The following PARP2 variants were observed in gnomAD, a reference collection of about 807,000 sequenced individuals.
PARP2 encodes poly(ADP-ribose) polymerase 2.
PARP2 carries 57 observed loss-of-function variants against 77.8 expected under a neutral mutation model. The ratio of observed to expected loss-of-function variants is 0.73; its 90% CI spans 0.59 to 0.91. The LOEUF is 0.91. PARP2 is among the 40% of genes least tolerant of loss of function. The pLI, the probability that PARP2 is intolerant of heterozygous loss-of-function variation, is 0.00. For missense variants in PARP2, 651 were observed against 689.0 expected (o/e 0.94, Z 0.62); for synonymous variants, 226 against 242.6 (o/e 0.93, Z 0.64).
At chr14:20,351,189 A>AT in intron 6 of PARP2, 67 bp downstream of exon 6, 232 of 1,293,060 alleles carry the variant, frequency 1.8e-4, no homozygotes, top group Non-Finnish European at 2.2e-4. Context: ...TCTCTAAAAA[A>AT]TTTTTTTTTA....
At chr14:20,347,356 G>GTGTGTGTA (rs1168423656) in intron 4 of PARP2, among the ~76,000 whole-genome samples, 55 of 29,566 alleles carry the variant, frequency 1.9e-3, no homozygotes, top group Admixed American at 3.3e-3. Flanking sequence ...ATGTGTGTGT[G>GTGTGTGTA]TATATATATA....
chr14:20,345,969 CACTA>C (rs1425821636), intron 3 of PARP2, among the ~76,000 whole-genome samples: 1 of 152,108 alleles, frequency 6.6e-6, no homozygotes, highest in Non-Finnish European at 1.5e-5. Flanking sequence ...TGAATTCACT[CACTA>C]TCAAGAGGAC....
chr14:20,356,770 AT>A (rs1884170260), intron 13 of PARP2, 81 bp downstream of exon 13: 6 of 1,098,126 alleles, frequency 5.5e-6, no homozygotes, highest in Non-Finnish European at 8.4e-6. Context: ...CTAGATTAGG[AT>A]TAGATGGTTC....
rs928257028 is a variant in PARP2, at chr14:20,350,449, C to T, written c.325-77C>T. The T allele has an allele frequency of 1.5e-4, 109 of 703,526 alleles. 1 individual carries two copies. Among genetic ancestry groups the T allele is most frequent in the Admixed American group, 1.7e-4 (8 of 46,952 alleles). The allele number at this position is 703,526 out of a possible 1,614,324, so 43.6% of individuals were successfully genotyped here. ...TTATGGAAATAACTGGCACCTGTGA[C>T]GAAGGATGAGTCATTGGTTTATGTG... is the stretch of plus-strand genomic sequence containing the variant. On this transcript the variant is annotated intron_variant, in intron 4 of 15. Coordinates refer to ENST00000429687, the MANE Select transcript of PARP2 (RefSeq NM_001042618.2).
At chr14:20,352,427 G>A (rs1883991206) in intron 7 of PARP2, 80 bp downstream of exon 7, 3 of 849,072 alleles carry the variant, frequency 3.5e-6, no homozygotes, top group South Asian at 1.7e-5. Context: ...GTGCTCTGTT[G>A]CCCAGGCTGG....
In PARP2 at chr14:20,355,000, G is replaced by A. The variant is rs545370370; in HGVS notation, c.902+53G>A. The A allele has an allele frequency of 4.5e-5, 66 of 1,461,556 alleles. No individual in the cohort carries two copies. In the South Asian group the frequency reaches 6.7e-4, roughly 15 times the overall value. 90.5% of individuals were successfully genotyped at this position (1,461,556 alleles called of 1,614,324 possible). A position where few individuals can be genotyped will look rare whatever the true frequency, so the allele number is the denominator to read the frequency against. On this transcript the variant is annotated intron_variant, in intron 9 of 15. Transcript: ENST00000429687. ...GTTCTTCTACCTATACATATCCCCT[G>A]TATCCATCAGCAGCAGCTATAATCT...
chr14:20,352,549 A>ATTTTTTTTAT, intron 7 of PARP2: 11 of 214,074 alleles, frequency 5.1e-5, no homozygotes, highest in Admixed American at 8.2e-5. Flanking sequence ...TGCCCAGCTG[A>ATTTTTTTTAT]TTTTTTTTCT....
intron 8 of PARP2, 37 bp downstream of exon 8, chr14:20,354,284 T>G: frequency 6.6e-7 from 1 of 1,506,970 alleles, no homozygotes; most frequent in Non-Finnish European, 9.2e-7. Flanking sequence ...TCTCTCCTTA[T>G]AATTCCTAGC....
chr14:20,356,269 T>C (rs1475270011), intron 11 of PARP2, 38 bp from the exon 12 acceptor site: 1 of 1,610,442 alleles, frequency 6.2e-7, no homozygotes, highest in Non-Finnish European at 8.5e-7. Context: ...CAGTCTCTTG[T>C]AGAGTCTACA....
At position 20,343,683 on chromosome 14, in the gene PARP2, G is replaced by A; in HGVS notation, c.42G>A (p.Ala14=). 1 of 1,609,434 alleles carries A rather than the reference G, an allele frequency of 6.2e-7. No individual in the cohort carries two copies. The highest frequency in any genetic ancestry group is 8.5e-7 in the Non-Finnish European group (1 of 1,178,632). Residue 14 remains alanine (A), a synonymous_variant, in exon 1 of 16, where the codon GCG becomes GCA. Transcript: ENST00000429687. ...GACGGAGCACCGGCGGCGGCAGGGC[G>A]AGAGGTTCGGAGCTCAATATCGCGG... is the stretch of plus-strand genomic sequence containing the variant. ...RRRRSTGGGR[A]RALNESKRVN...
At chr14:20,347,386 ATATATATATATATTTTTTTTTT>A (rs1883793875) in intron 4 of PARP2, among the ~76,000 whole-genome samples, 1 of 15,270 alleles carries the variant, frequency 6.5e-5, no homozygotes, top group African/African-American at 2.5e-4. Context: ...ATATATATAT[ATATATATATATATTTTTTTTTT>A]TTTTTTTTTT....
chr14:20,357,437 T>C lies in PARP2; in HGVS notation c.1470T>C (p.Pro490=), dbSNP rs780424758. The change falls in exon 15 of 16, where the codon CCT becomes CCC. Residue 490 remains proline (P), a synonymous_variant. Coordinates refer to ENST00000429687, the MANE Select transcript of PARP2 (RefSeq NM_001042618.2). ...GTAATGAACTACTAGAGGCCAATCCTAAGGCCGAAGGATTGCTTCAAGGTA... is the reference window on the plus strand; with the variant it reads ...GTAATGAACTACTAGAGGCCAATCCCAAGGCCGAAGGATTGCTTCAAGGTA... ...GQCNELLEAN[P]KAEGLLQGKH... 10 of 1,613,820 alleles carry C rather than the reference T, an allele frequency of 6.2e-6. No homozygotes were observed. In the South Asian group the frequency reaches 1.1e-4, roughly 18 times the overall value.
chr14:20,349,208 T>A (rs1883874077), intron 4 of PARP2, among the ~76,000 whole-genome samples: 1 of 151,966 alleles, frequency 6.6e-6, no homozygotes, highest in Admixed American at 6.6e-5. Flanking sequence ...ATGGGCCAGC[T>A]ACTTTGGAGG....
chr14:20,355,101 T>A, intron 9 of PARP2, 154 bp downstream of exon 9: 1 of 668,988 alleles, frequency 1.5e-6, no homozygotes, highest in Non-Finnish European at 2.5e-6. Flanking sequence ...GTAGCCTATT[T>A]AATCAGCTTA....
intron 14 of PARP2, 48 bp downstream of exon 14, chr14:20,357,197 T>A: frequency 6.8e-7 from 1 of 1,467,842 alleles, no homozygotes. Flanking sequence ...ATTCCAGTTT[T>A]TTTCCGATGA....
intron 4 of PARP2, 32 bp from the exon 5 acceptor site, chr14:20,350,494 C>CT (rs780540161): frequency 1.1e-4 from 135 of 1,245,616 alleles, no homozygotes; most frequent in Middle Eastern, 3.8e-4. Flanking sequence ...TGCAAAACTC[C>CT]TTTTTTTTGT....
rs1225706793 is a variant in PARP2, at chr14:20,343,702, A to G, written c.46+15A>G. 3.7e-6 allele frequency: 6 copies of G among 1,608,584 alleles called. No individual in the cohort carries two copies. In the African/African-American group the frequency reaches 4.0e-5, roughly 11 times the overall value. On this transcript the variant is annotated intron_variant, in intron 1 of 15. Transcript: ENST00000429687. ...CAGGGCGAGAGGTTCGGAGCTCAAT[A>G]TCGCGGGACGGCATGCGGGGGGCGG...
intron 3 of PARP2, among the ~76,000 whole-genome samples, chr14:20,346,085 G>A: frequency 6.6e-6 from 1 of 152,132 alleles, no homozygotes; most frequent in Admixed American, 6.6e-5. Flanking sequence ...TTACAATTCA[G>A]CATGAGATTT....
In PARP2 at chr14:20,346,853, C is replaced by CT; in HGVS notation, c.274-10_274-9insT. On this transcript the variant is annotated splice_polypyrimidine_tract_variant and intron_variant, in intron 3 of 15. Coordinates refer to ENST00000429687, the MANE Select transcript of PARP2 (RefSeq NM_001042618.2). ...ACTAATGTTGATTTTTTCTCTCTCTCCCTTTCTAGGCTCATGTGTATTGTG... is the reference window on the plus strand; with the variant it reads ...ACTAATGTTGATTTTTTCTCTCTCTCTCCTTTCTAGGCTCATGTGTATTGTG... 20 of 1,536,808 alleles carry CT rather than the reference C, an allele frequency of 1.3e-5. No homozygotes were observed. The highest frequency in any genetic ancestry group is 1.7e-5 in the Non-Finnish European group (19 of 1,124,836).
Sources: gnomAD v4.1 joint callset for allele counts (sites outside exome capture counted in the v4.1 genomes callset) on GRCh38, gnomAD v4.1.1 for gene constraint, MANE v1.5 for transcripts, NCBI Gene and HGNC (gene_info 2026-07-23, HGNC 2026-07-21) for gene names.